The following TNFAIP8L1 variants were observed in gnomAD, a reference collection of about 807,000 sequenced individuals.
The protein encoded by TNFAIP8L1 is tumor necrosis factor alpha-induced protein 8-like protein 1.
For synonymous variants in TNFAIP8L1, 127 were observed against 125.6 expected (o/e 1.01, Z -0.08); for missense variants, 225 against 266.1 (o/e 0.85, Z 1.08).
intron 1 of TNFAIP8L1, among the ~76,000 whole-genome samples, chr19:4,650,316 G>T (rs759449573): frequency 2.0e-5 from 3 of 151,878 alleles, no homozygotes; most frequent in African/African-American, 7.3e-5. Context: ...CCAGGCTTTG[G>T]GGGGTGTATA....
At chr19:4,651,217 C>CTT (rs1568282295) in intron 1 of TNFAIP8L1, among the ~76,000 whole-genome samples, 1 of 151,874 alleles carries the variant, frequency 6.6e-6, no homozygotes, top group African/African-American at 2.4e-5. Context: ...CCTTGAGCCC[C>CTT]TTCTCAGCTC....
intron 1 of TNFAIP8L1, among the ~76,000 whole-genome samples, chr19:4,643,218 G>C (rs1039505107): frequency 1.3e-4 from 20 of 151,842 alleles, no homozygotes; most frequent in Admixed American, 1.1e-3. Context: ...GGCGGAGGTT[G>C]CAGTGAGCCG....
intron 1 of TNFAIP8L1, among the ~76,000 whole-genome samples, chr19:4,646,106 G>C (rs2088308137): frequency 6.6e-6 from 1 of 151,988 alleles, no homozygotes; most frequent in Admixed American, 6.6e-5. Flanking sequence ...TAACTTGTTT[G>C]TTTCTATTTA....
chr19:4,644,331 G>T (rs2088290031), intron 1 of TNFAIP8L1, among the ~76,000 whole-genome samples: 1 of 151,422 alleles, frequency 6.6e-6, no homozygotes, highest in Admixed American at 6.6e-5. Flanking sequence ...CTTGAGCCCA[G>T]GAGTTCGAGA....
At chr19:4,646,112 A>G (rs2088308177) in intron 1 of TNFAIP8L1, among the ~76,000 whole-genome samples, 1 of 151,798 alleles carries the variant, frequency 6.6e-6, no homozygotes, top group South Asian at 2.1e-4. Context: ...GTTTGTTTCT[A>G]TTTATTGGTT....
intron 1 of TNFAIP8L1, among the ~76,000 whole-genome samples, chr19:4,650,629 T>C (rs1347614950): frequency 6.6e-6 from 1 of 151,988 alleles, no homozygotes; most frequent in Non-Finnish European, 1.5e-5. Flanking sequence ...CTGGCCCTTA[T>C]GCCTCGAGAG....
At chr19:4,651,357 T>A (rs1401542400) in intron 1 of TNFAIP8L1, among the ~76,000 whole-genome samples, 1 of 152,114 alleles carries the variant, frequency 6.6e-6, no homozygotes, top group Non-Finnish European at 1.5e-5. Context: ...TTGATTTTTT[T>A]TTTTTAGAGA....
At position 4,654,677 on chromosome 19, in the gene TNFAIP8L1, T is replaced by A. The variant is rs1286141034; in HGVS notation, c.*2247T>A. ...CAACCAGCCAACCATGTTGCTTTTA[T>A]AAGACAGAGCTGAGAAAGCAAAGCT... is the stretch of plus-strand genomic sequence containing the variant. On this transcript the variant is annotated 3_prime_UTR_variant, in exon 2 of 2. Transcript: ENST00000327473. The A allele has an allele frequency of 6.6e-6, 1 of 152,238 alleles. No individual in the cohort carries two copies. The highest frequency in any genetic ancestry group is 1.5e-5 in the Non-Finnish European group (1 of 68,060). The allele number at this position is 152,238 out of a possible 1,614,324, so 9.4% of individuals were successfully genotyped here.
chr19:4,646,777 C>T (rs1409540964), intron 1 of TNFAIP8L1, among the ~76,000 whole-genome samples: 1 of 152,132 alleles, frequency 6.6e-6, no homozygotes, highest in Non-Finnish European at 1.5e-5. Context: ...ATTACAGGTG[C>T]CCGCCACCGC....
Position 4,651,975 on chromosome 19 carries a change from A to G in TNFAIP8L1, c.106A>G (p.Ser36Gly), listed in dbSNP as rs2088369480. Residue 36 changes from serine to glycine, a missense_variant, in exon 2 of 2, where the codon AGT becomes GGT. Physicochemically the swap from Ser to Gly is moderately conservative, Grantham distance 56. Transcript: ENST00000327473. ...GGCCGTGCTGGTGGATGACACCAGC[A>G]GTGAGGTGCTGGATGAGCTGTACCG... is the stretch of plus-strand genomic sequence containing the variant. ...VVAVLVDDTS[S>G]EVLDELYRAT... is the part of the protein sequence containing the mutation. The G allele has an allele frequency of 6.2e-7, 1 of 1,614,136 alleles. No homozygotes were observed. The highest frequency in any genetic ancestry group is 8.5e-7 in the Non-Finnish European group (1 of 1,180,010).
In TNFAIP8L1 at chr19:4,641,460, G is replaced by A. The variant is rs148475901; in HGVS notation, c.-4+1831G>A. 1 of 152,404 alleles carries A rather than the reference G, an allele frequency of 6.6e-6. No individual in the cohort carries two copies. Among genetic ancestry groups the A allele is most frequent in the Non-Finnish European group, 1.5e-5 (1 of 68,118 alleles). The allele number at this position is 152,404 out of a possible 1,614,324, so 9.4% of individuals were successfully genotyped here. A position where few individuals can be genotyped will look rare whatever the true frequency, so the allele number is the denominator to read the frequency against. ...CAGGAACGGCCCAGTTCCACAGCATGCCTGCCCCTTCCCAGCATCTCCCGA... is the reference window on the plus strand; with the variant it reads ...CAGGAACGGCCCAGTTCCACAGCATACCTGCCCCTTCCCAGCATCTCCCGA... On this transcript the variant is annotated intron_variant, in intron 1 of 1. Transcript: ENST00000327473. This position sits in a 1 kb window ranked among gnomAD's most constrained non-coding sequence, Gnocchi z 4.6.
At chr19:4,643,452 C>T (rs1463695360) in intron 1 of TNFAIP8L1, among the ~76,000 whole-genome samples, 2 of 152,110 alleles carry the variant, frequency 1.3e-5, no homozygotes, top group East Asian at 1.9e-4. Flanking sequence ...CATGTTTGGC[C>T]CTCGAACCCT....
rs775839477 is a variant in TNFAIP8L1 at position 4,651,893 on chromosome 19, C to T, written c.24C>T (p.Ser8=). ...CCATGGACACCTTCAGCACCAAGAG[C>T]CTGGCTCTGCAGGCGCAGAAGAAGC... MDTFSTK[S]LALQAQKKLL... The change falls in exon 2 of 2, where the codon AGC becomes AGT. Residue 8 remains serine, a synonymous_variant. Transcript: ENST00000327473. 2 of 1,608,546 alleles carry T rather than the reference C, an allele frequency of 1.2e-6. No homozygotes were observed. The highest frequency in any genetic ancestry group is 4.5e-5 in the East Asian group (2 of 44,716).
chr19:4,649,864 C>T (rs2088346028), intron 1 of TNFAIP8L1, among the ~76,000 whole-genome samples: 1 of 152,216 alleles, frequency 6.6e-6, no homozygotes, highest in Non-Finnish European at 1.5e-5. Context: ...CCTCAGAGGG[C>T]GGCCGAGGGT....
At chr19:4,646,281 CCCGG>C (rs1490295111) in intron 1 of TNFAIP8L1, among the ~76,000 whole-genome samples, 1 of 151,234 alleles carries the variant, frequency 6.6e-6, no homozygotes, top group Non-Finnish European at 1.5e-5. Context: ...CGCCACCACG[CCCGG>C]CCGACTTTTT....
Position 4,652,049 on chromosome 19 carries a change from C to G in TNFAIP8L1, c.180C>G (p.Leu60=), listed in dbSNP as rs774761427. 1.7e-5 allele frequency: 28 copies of G among 1,613,142 alleles called. No homozygotes were observed. The South Asian group carries it at 2.9e-4, about 16-fold the overall frequency. ...TRSRKEAQKM[L]KNLVKVALKL... is the part of the protein sequence containing the mutation. ...GCCGCAAGGAGGCCCAGAAGATGCTCAAGAACCTGGTCAAGGTGGCCCTGA... is the reference window on the plus strand; with the variant it reads ...GCCGCAAGGAGGCCCAGAAGATGCTGAAGAACCTGGTCAAGGTGGCCCTGA... The change falls in exon 2 of 2, where the codon CTC becomes CTG. Residue 60 remains leucine (L), a synonymous_variant. Coordinates refer to ENST00000327473, the MANE Select transcript of TNFAIP8L1 (RefSeq NM_152362.3).
At chr19:4,644,477 C>T (rs1425104042) in intron 1 of TNFAIP8L1, among the ~76,000 whole-genome samples, 4 of 146,112 alleles carry the variant, frequency 2.7e-5, no homozygotes, top group South Asian at 2.2e-4. Flanking sequence ...CCCAGGAGGT[C>T]GAGGCTATAG....
chr19:4,649,645 G>A (rs1450081573), intron 1 of TNFAIP8L1, among the ~76,000 whole-genome samples: 1 of 152,198 alleles, frequency 6.6e-6, no homozygotes, highest in African/African-American at 2.4e-5. Context: ...GCCTCTCTGA[G>A]CCTTTGTGGT....
Position 4,641,368 on chromosome 19 carries a change from TCA to T in TNFAIP8L1, c.-4+1743_-4+1744del, listed in dbSNP as rs2088259996. 1 of 152,164 alleles carries T rather than the reference TCA, an allele frequency of 6.6e-6. No homozygotes were observed. The allele number at this position is 152,164 out of a possible 1,614,324, so 9.4% of individuals were successfully genotyped here. The stretch of plus-strand genomic sequence containing the variant: ...AGAGACGTCAACGCTAAAAAATGAC[TCA>T]CACTTGCCCAGGTACAGCTCAGGTG... On this transcript the variant is annotated intron_variant, in intron 1 of 1. Coordinates refer to ENST00000327473, the MANE Select transcript of TNFAIP8L1 (RefSeq NM_152362.3). This position sits in a 1 kb window ranked among gnomAD's most constrained non-coding sequence, Gnocchi z 4.6.
Sources: allele counts gnomAD v4.1 joint callset (sites outside exome capture counted in the v4.1 genomes callset), GRCh38; gene constraint gnomAD v4.1.1; non-coding constraint Gnocchi (gnomAD v3.1); transcripts MANE v1.5; gene names NCBI Gene and HGNC (gene_info 2026-07-23, HGNC 2026-07-21).